Variants in DEPTOR observed in about 807,000 individuals in gnomAD.
DEPTOR encodes DEP domain-containing mTOR-interacting protein.
Under a neutral mutation model 41.6 loss-of-function variants are expected in DEPTOR, and 41 were observed. The observed-to-expected ratio is 0.98, with a 90% CI of 0.77 to 1.28. DEPTOR has a LOEUF of 1.28. DEPTOR is among the 50% of genes most tolerant of loss of function. The probability of loss-of-function intolerance (pLI) is 0.00; values close to 1 mark genes in which losing one functional copy is unlikely to be tolerated. For missense variants in DEPTOR, 514 were observed against 527.9 expected, an observed-to-expected ratio of 0.97 and a Z score of 0.26; for synonymous variants, 195 against 192.3, an observed-to-expected ratio of 1.01 and a Z score of -0.12.
chr8:119,924,654 A>G (rs1178585119), intron 1 of DEPTOR, among the ~76,000 whole-genome samples: 1 of 152,172 alleles, frequency 6.6e-6, no homozygotes, highest in Non-Finnish European at 1.5e-5. Flanking sequence ...CCTATCGGTA[A>G]AACAGGCCTA....
intron 3 of DEPTOR, among the ~76,000 whole-genome samples, chr8:119,941,210 C>A (rs1828198597): frequency 6.6e-6 from 1 of 151,578 alleles, no homozygotes; most frequent in East Asian, 1.9e-4. Flanking sequence ...CCCATCTCTA[C>A]TAAATACAAA....
At chr8:119,961,448 A>G (rs976799012) in intron 3 of DEPTOR, among the ~76,000 whole-genome samples, 1 of 151,390 alleles carries the variant, frequency 6.6e-6, no homozygotes, top group Non-Finnish European at 1.5e-5. Context: ...CTTGCCTTAC[A>G]TCTCAAAGCT....
chr8:120,045,367 A>AT lies in DEPTOR; in HGVS notation c.1102-4203dup, dbSNP rs547381463. Among the ~76,000 whole-genome samples the AT allele has an allele frequency of 2.3e-3, 346 of 152,112 alleles. 1 individual carries two copies. The highest frequency in any genetic ancestry group is 8.0e-3 in the African/African-American group (331 of 41,524). ...CTTTTTCTGTTTTTCTAATTTTTTTATTTTTTATCTTTTATGTTTTTTAGG... is the reference window on the plus strand; with the variant it reads ...CTTTTTCTGTTTTTCTAATTTTTTTATTTTTTTATCTTTTATGTTTTTTAGG... On this transcript the variant is annotated intron_variant, in intron 8 of 8. Coordinates refer to ENST00000286234, the MANE Select transcript of DEPTOR (RefSeq NM_022783.4).
rs547799015 is a variant in DEPTOR, at chr8:119,946,501, G to C, written c.425+16563G>C. Reference sequence around the variant, plus strand: ...TCATGCCTGTAATCCCAGTACTTTGGGAGGCCAAGGTGGTAGATCACTGGA... The same window carrying C: ...TCATGCCTGTAATCCCAGTACTTTGCGAGGCCAAGGTGGTAGATCACTGGA... On this transcript the variant is annotated intron_variant, in intron 3 of 8. Transcript: ENST00000286234. Among the ~76,000 whole-genome samples, 5 of 151,654 alleles carry C rather than the reference G, an allele frequency of 3.3e-5. No individual in the cohort carries two copies. In the East Asian group the frequency reaches 9.7e-4, roughly 30 times the overall value.
intron 8 of DEPTOR, among the ~76,000 whole-genome samples, chr8:120,047,809 G>T (rs1183118166): frequency 6.6e-6 from 1 of 152,164 alleles, no homozygotes; most frequent in Non-Finnish European, 1.5e-5. Context: ...ACTTTGGGAG[G>T]CCAAGGTGGG....
intron 1 of DEPTOR, among the ~76,000 whole-genome samples, chr8:119,886,610 C>G (rs756912634): frequency 6.6e-6 from 1 of 152,026 alleles, no homozygotes; most frequent in Non-Finnish European, 1.5e-5. Flanking sequence ...AGAAAAACTG[C>G]GCTGGTTAAT....
chr8:119,973,122 A>T (rs1376037376), intron 4 of DEPTOR, among the ~76,000 whole-genome samples: 1 of 151,568 alleles, frequency 6.6e-6, no homozygotes, highest in Non-Finnish European at 1.5e-5. Flanking sequence ...TATTTTTAGT[A>T]GAGACAGTGT....
intron 8 of DEPTOR, among the ~76,000 whole-genome samples, chr8:120,015,672 G>A (rs761909880): frequency 2.6e-5 from 4 of 152,168 alleles, no homozygotes; most frequent in African/African-American, 4.8e-5. Flanking sequence ...GGAGGAGGCC[G>A]AAGATAGATG....
In DEPTOR at chr8:119,873,890, G is replaced by C; in HGVS notation, c.44G>C (p.Ser15Thr). 1 of 1,613,776 alleles carries C rather than the reference G, an allele frequency of 6.2e-7. No individual in the cohort carries two copies. Among genetic ancestry groups the C allele is most frequent in the African/African-American group, 1.3e-5 (1 of 75,020 alleles). Residue 15 changes from serine (S) to threonine (T), a missense_variant, in exon 1 of 9, where the codon AGC (serine) becomes ACC (threonine). Physicochemically the swap from Ser to Thr is moderately conservative, Grantham distance 58 (BLOSUM62 1). Coordinates refer to ENST00000286234, the MANE Select transcript of DEPTOR (RefSeq NM_022783.4). ...ACTGGCAGTGCTGGCAGTGACAGCAGCACCAGCGGGAGTGGCGGGGCGCAG... is the reference window on the plus strand; with the variant it reads ...ACTGGCAGTGCTGGCAGTGACAGCACCACCAGCGGGAGTGGCGGGGCGCAG... Reference protein sequence around the residue: ...GSTGSAGSDSSTSGSGGAQQR... With the variant: ...GSTGSAGSDSTTSGSGGAQQR...
At chr8:119,942,787 G>A (rs781141748) in intron 3 of DEPTOR, among the ~76,000 whole-genome samples, 2 of 152,164 alleles carry the variant, frequency 1.3e-5, no homozygotes, top group Admixed American at 6.5e-5. Flanking sequence ...GCTTTTCTGA[G>A]TCTCTGTTTT....
At position 119,930,650 on chromosome 8, in the gene DEPTOR, A is replaced by G. The variant is rs142525014; in HGVS notation, c.425+712A>G. Among the ~76,000 whole-genome samples, 312 of 152,296 alleles carry G rather than the reference A, an allele frequency of 2.0e-3. 1 individual carries two copies. Among genetic ancestry groups the G allele is most frequent in the African/African-American group, 7.2e-3 (301 of 41,562 alleles). On this transcript the variant is annotated intron_variant, in intron 3 of 8. Transcript: ENST00000286234. ...TGGTCAGGCCAGGAGATGAGTAGTG[A>G]GAGAACTTCAGATAGCTGGATGTCT...
intron 8 of DEPTOR, among the ~76,000 whole-genome samples, chr8:120,048,815 C>T (rs1272381454): frequency 6.6e-6 from 1 of 152,102 alleles, no homozygotes; most frequent in African/African-American, 2.4e-5. Context: ...ACCTGTTGTA[C>T]AAGTGAGGCA....
At chr8:119,962,194 T>C (rs953203884) in intron 3 of DEPTOR, among the ~76,000 whole-genome samples, 2 of 150,190 alleles carry the variant, frequency 1.3e-5, no homozygotes, top group East Asian at 3.9e-4. Context: ...GAGGTGGAGG[T>C]TGCAGTGAGC....
At chr8:120,017,678 C>T (rs1429714733) in intron 8 of DEPTOR, among the ~76,000 whole-genome samples, 1 of 152,202 alleles carries the variant, frequency 6.6e-6, no homozygotes. Context: ...ATCAAACACT[C>T]GTCAGAGCAA....
chr8:119,917,799 C>T (rs564979002), intron 1 of DEPTOR, among the ~76,000 whole-genome samples: 33 of 152,240 alleles, frequency 2.2e-4, no homozygotes, highest in Middle Eastern at 3.4e-3. Context: ...TGTCTCCTGC[C>T]CGTCCCTGGG....
chr8:119,985,844 T>G (rs1828822855), intron 4 of DEPTOR, among the ~76,000 whole-genome samples: 2 of 123,370 alleles, frequency 1.6e-5, no homozygotes, highest in African/African-American at 6.5e-5. Flanking sequence ...TTTTTTTTTT[T>G]TTTTTTTTTT....
intron 4 of DEPTOR, among the ~76,000 whole-genome samples, chr8:119,980,520 T>C (rs1586642751): frequency 2.0e-5 from 3 of 147,138 alleles, no homozygotes; most frequent in Admixed American, 7.0e-5. Flanking sequence ...TTTCTCTCTT[T>C]GTGTTTTTTT....
At chr8:119,968,015 C>T (rs932488546) in intron 4 of DEPTOR, among the ~76,000 whole-genome samples, 1 of 152,076 alleles carries the variant, frequency 6.6e-6, no homozygotes, top group Non-Finnish European at 1.5e-5. Context: ...GGTGGCCTAA[C>T]ATGTCTAGCT....
chr8:120,010,025 G>A (rs558629276), intron 8 of DEPTOR, among the ~76,000 whole-genome samples: 71 of 152,152 alleles, frequency 4.7e-4, no homozygotes, highest in Admixed American at 1.0e-3. Flanking sequence ...TAGACCATAC[G>A]ACATAGCCAA....
Sources: allele counts gnomAD v4.1 joint callset (sites outside exome capture counted in the v4.1 genomes callset), GRCh38; gene constraint gnomAD v4.1.1; transcripts MANE v1.5; gene names NCBI Gene and HGNC (gene_info 2026-07-23, HGNC 2026-07-21).